Variants in ANTXR1 observed in about 807,000 individuals in gnomAD.
ANTXR1 encodes ANTXR cell adhesion molecule 1.
Under a neutral mutation model 78.1 loss-of-function variants are expected in ANTXR1, and 19 were observed. The ratio of observed to expected loss-of-function variants is 0.24; its 90% CI spans 0.17 to 0.36. ANTXR1 has a LOEUF of 0.36. Among genes scored for constraint, ANTXR1 ranks in the 10% least tolerant of loss-of-function variants. ANTXR1 has a pLI of 1.00. For synonymous variants in ANTXR1, 273 were observed against 260.5 expected (o/e 1.05, Z -0.46); for missense variants, 518 against 718.6 (o/e 0.72, Z 3.19).
intron 1 of ANTXR1, among the ~76,000 whole-genome samples, chr2:69,035,363 C>T (rs1430963082): frequency 6.6e-6 from 1 of 152,176 alleles, no homozygotes; most frequent in Non-Finnish European, 1.5e-5. Flanking sequence ...GGACACAGGG[C>T]TCTTTCTTTC....
rs371073535 is a variant in ANTXR1 at position 69,145,570 on chromosome 2, AAC to A, written c.952-6597_952-6596del. ...GACAGGAAACGTTCCCTCCTTAACC[AAC>A]AGTTTTCAAGACCTTACTGGAGGCA... On this transcript the variant is annotated intron_variant, in intron 12 of 17. Coordinates refer to ENST00000303714, the MANE Select transcript of ANTXR1 (RefSeq NM_032208.3). The A allele has an allele frequency of 1.7e-4, 239 of 1,385,508 alleles. No homozygotes were observed. The African/African-American group carries it at 2.7e-3, about 16-fold the overall frequency. 85.8% of individuals were successfully genotyped at this position (1,385,508 alleles called of 1,614,324 possible).
At chr2:69,190,224 G>C (rs28560172) in intron 16 of ANTXR1, among the ~76,000 whole-genome samples, 45 of 152,332 alleles carry the variant, frequency 3.0e-4, no homozygotes, top group African/African-American at 1.1e-3. Flanking sequence ...TCTCCCCAAA[G>C]AACCAAGCAA....
intron 9 of ANTXR1, among the ~76,000 whole-genome samples, chr2:69,096,290 G>GGAAGGA (rs1558541091): frequency 0.013 from 244 of 18,876 alleles, no homozygotes; most frequent in Middle Eastern, 0.053. Flanking sequence ...GGAAGGAAGG[G>GGAAGGA]AGGAAGGGAG....
intron 2 of ANTXR1, among the ~76,000 whole-genome samples, chr2:69,041,159 G>A (rs553780900): frequency 6.6e-6 from 1 of 152,260 alleles, no homozygotes; most frequent in African/African-American, 2.4e-5. Flanking sequence ...AAAAAGTACA[G>A]GAAAAGGAGA....
rs1002277195 is a variant in ANTXR1, at chr2:69,026,886, C to T, written c.153-13158C>T. On this transcript the variant is annotated intron_variant, in intron 1 of 17. Transcript: ENST00000303714. ...AAGCCTGAAGAAAGTGTCTAGGAGA[C>T]GCTGCATCGGGTCCAGAGACTAAGG... is the stretch of plus-strand genomic sequence containing the variant. Among the ~76,000 whole-genome samples, 7 of 152,296 alleles carry T rather than the reference C, an allele frequency of 4.6e-5. No homozygotes were observed. The East Asian group carries it at 1.2e-3, about 25-fold the overall frequency.
intron 13 of ANTXR1, 124 bp from the exon 14 acceptor site, chr2:69,170,124 G>T (rs577090820): frequency 2.9e-6 from 3 of 1,038,590 alleles, no homozygotes; most frequent in East Asian, 5.0e-5. Context: ...GATTAAGCCC[G>T]ACTTGCTGGG....
intron 1 of ANTXR1, among the ~76,000 whole-genome samples, chr2:69,036,278 G>A (rs984847572): frequency 6.6e-6 from 1 of 152,122 alleles, no homozygotes; most frequent in Admixed American, 6.5e-5. Flanking sequence ...TACATGAGAT[G>A]TTTTGATACA....
intron 3 of ANTXR1, among the ~76,000 whole-genome samples, chr2:69,059,065 A>C (rs1670154058): frequency 6.6e-6 from 1 of 152,238 alleles, no homozygotes; most frequent in Non-Finnish European, 1.5e-5. Flanking sequence ...ATGAGCAAAG[A>C]AAGTGGTTTC....
intron 17 of ANTXR1, among the ~76,000 whole-genome samples, chr2:69,217,592 T>C (rs1675209337): frequency 6.6e-6 from 1 of 152,220 alleles, no homozygotes. Context: ...AAATGCAATA[T>C]AGTGCATTTA....
chr2:69,070,263 G>A (rs973897137), intron 3 of ANTXR1, among the ~76,000 whole-genome samples: 5 of 152,116 alleles, frequency 3.3e-5, no homozygotes, highest in African/African-American at 9.7e-5. Flanking sequence ...CTTTCCCTGG[G>A]TTCTTGGTTC....
At chr2:69,095,767 C>CT (rs1459315808) in intron 9 of ANTXR1, among the ~76,000 whole-genome samples, 1 of 152,188 alleles carries the variant, frequency 6.6e-6, no homozygotes, top group African/African-American at 2.4e-5. Context: ...TAAGCAGATG[C>CT]TATCAGGAGA....
chr2:69,024,455 A>G (rs1671285249), intron 1 of ANTXR1, among the ~76,000 whole-genome samples: 1 of 152,240 alleles, frequency 6.6e-6, no homozygotes, highest in African/African-American at 2.4e-5. Flanking sequence ...AATTGCTAAC[A>G]GGAATTGTCT....
At chr2:69,154,026 T>C (rs1673465144) in intron 13 of ANTXR1, among the ~76,000 whole-genome samples, 1 of 152,244 alleles carries the variant, frequency 6.6e-6, no homozygotes, top group Non-Finnish European at 1.5e-5. Context: ...TGCTGTATAT[T>C]ATTATTATTT....
chr2:69,146,027 T>C (rs964904817), intron 12 of ANTXR1: 1 of 985,342 alleles, frequency 1.0e-6, no homozygotes, highest in African/African-American at 1.7e-5. Flanking sequence ...AAGAAAGCCA[T>C]GATGCAGGGA....
At chr2:69,194,783 G>A (rs757617201) in intron 17 of ANTXR1, among the ~76,000 whole-genome samples, 13 of 152,196 alleles carry the variant, frequency 8.5e-5, no homozygotes, top group African/African-American at 1.2e-4. Flanking sequence ...AACCCAGGAG[G>A]TGGAGGTTGC....
At chr2:69,024,076 AG>A (rs1671274498) in intron 1 of ANTXR1, among the ~76,000 whole-genome samples, 1 of 152,230 alleles carries the variant, frequency 6.6e-6, no homozygotes. Flanking sequence ...GTGAGGATGA[AG>A]GAAAAAAATA....
chr2:69,184,327 C>T (rs1674367829), intron 16 of ANTXR1, among the ~76,000 whole-genome samples: 1 of 152,136 alleles, frequency 6.6e-6, no homozygotes, highest in Admixed American at 6.5e-5. Flanking sequence ...GATAAGCCTG[C>T]CCTCTGGGGT....
In ANTXR1 at chr2:69,193,316, T is replaced by A; in HGVS notation, c.1354-19T>A. ...GGTCTGGTTTCATATGTAATCTTGGTGCATTTGTTTTATTTCAGGGAAAAC... is the reference window on the plus strand; with the variant it reads ...GGTCTGGTTTCATATGTAATCTTGGAGCATTTGTTTTATTTCAGGGAAAAC... On this transcript the variant is annotated intron_variant, in intron 16 of 17. Coordinates refer to ENST00000303714, the MANE Select transcript of ANTXR1 (RefSeq NM_032208.3). The A allele has an allele frequency of 6.2e-7, 1 of 1,612,996 alleles. No homozygotes were observed. Among genetic ancestry groups the A allele is most frequent in the Middle Eastern group, 1.7e-4 (1 of 6,056 alleles).
intron 3 of ANTXR1, among the ~76,000 whole-genome samples, chr2:69,064,902 T>G (rs1297828659): frequency 6.6e-6 from 1 of 152,184 alleles, no homozygotes; most frequent in Admixed American, 6.5e-5. Flanking sequence ...GGTAAATGTA[T>G]AGCTTTAAGT....
Sources: gnomAD v4.1 joint callset for allele counts (sites outside exome capture counted in the v4.1 genomes callset) on GRCh38, gnomAD v4.1.1 for gene constraint, MANE v1.5 for transcripts, NCBI Gene and HGNC (gene_info 2026-07-23, HGNC 2026-07-21) for gene names.